The following FBXL7 variants were observed in gnomAD, a reference collection of about 807,000 sequenced individuals.
FBXL7 encodes F-box/LRR-repeat protein 7.
Under a neutral mutation model 38.3 loss-of-function variants are expected in FBXL7, and 12 were observed. The ratio of observed to expected loss-of-function variants is 0.31; its 90% confidence interval spans 0.20 to 0.51. The LOEUF (loss-of-function observed/expected upper bound fraction) is 0.51, where lower values mean the gene tolerates loss of function less well. FBXL7 is among the 20% of genes least tolerant of loss of function. FBXL7 has a pLI of 0.98. For missense variants in FBXL7, 567 were observed against 676.4 expected (o/e 0.84, Z 1.79); for synonymous variants, 297 against 300.9 (o/e 0.99, Z 0.13).
intron 2 of FBXL7, among the ~76,000 whole-genome samples, chr5:15,711,092 C>T (rs1050231413): frequency 4.6e-5 from 7 of 152,298 alleles, no homozygotes; most frequent in South Asian, 2.1e-4. Flanking sequence ...CCATGTGAGA[C>T]GTGCCTTTCA....
At chr5:15,898,363 C>T (rs751502210) in intron 2 of FBXL7, among the ~76,000 whole-genome samples, 17 of 152,110 alleles carry the variant, frequency 1.1e-4, no homozygotes, top group Non-Finnish European at 2.2e-4. Context: ...GCAATGGTCA[C>T]CAAAAACCTG....
At chr5:15,685,013 C>T (rs1005283543) in intron 2 of FBXL7, among the ~76,000 whole-genome samples, 3 of 152,066 alleles carry the variant, frequency 2.0e-5, no homozygotes, top group Admixed American at 1.3e-4. Flanking sequence ...CTAAGCATTT[C>T]TCTGAATAAA....
At chr5:15,797,582 G>T (rs1241175722) in intron 2 of FBXL7, among the ~76,000 whole-genome samples, 1 of 152,178 alleles carries the variant, frequency 6.6e-6, no homozygotes, top group Non-Finnish European at 1.5e-5. Flanking sequence ...CAAATGTCTG[G>T]CAGGGCACAA....
At chr5:15,887,066 A>G (rs1047276083) in intron 2 of FBXL7, among the ~76,000 whole-genome samples, 2 of 152,192 alleles carry the variant, frequency 1.3e-5, no homozygotes, top group East Asian at 1.9e-4. Flanking sequence ...GATTCACTGC[A>G]CTTATAAATG....
At chr5:15,896,838 A>G (rs1741114632) in intron 2 of FBXL7, among the ~76,000 whole-genome samples, 1 of 152,046 alleles carries the variant, frequency 6.6e-6, no homozygotes, top group Admixed American at 6.5e-5. Flanking sequence ...GTGTTTTACA[A>G]TACGTAATAG....
chr5:15,788,770 C>A (rs899988775), intron 2 of FBXL7, among the ~76,000 whole-genome samples: 1 of 152,042 alleles, frequency 6.6e-6, no homozygotes, highest in Non-Finnish European at 1.5e-5. Context: ...AACTCTGCCT[C>A]CTGGCTTCAA....
At chr5:15,578,116 T>C (rs1739027506) in intron 1 of FBXL7, among the ~76,000 whole-genome samples, 1 of 152,138 alleles carries the variant, frequency 6.6e-6, no homozygotes, top group African/African-American at 2.4e-5. Context: ...ATATAGATGT[T>C]AACTGGCCAT....
At chr5:15,730,422 A>C (rs1323181443) in intron 2 of FBXL7, among the ~76,000 whole-genome samples, 2 of 152,098 alleles carry the variant, frequency 1.3e-5, no homozygotes, top group Admixed American at 1.3e-4. Flanking sequence ...TGGTTTCTTG[A>C]GTGATTATTC....
chr5:15,588,458 G>A (rs917876456), intron 1 of FBXL7, among the ~76,000 whole-genome samples: 24 of 151,178 alleles, frequency 1.6e-4, no homozygotes, highest in African/African-American at 5.1e-4. Context: ...ACGATCTCGG[G>A]TCACTGCAAC....
chr5:15,714,676 A>C (rs532158508), intron 2 of FBXL7, among the ~76,000 whole-genome samples: 1 of 151,932 alleles, frequency 6.6e-6, no homozygotes, highest in Non-Finnish European at 1.5e-5. Context: ...GTGAAACCCC[A>C]TCTCTACTAA....
At position 15,663,496 on chromosome 5, in the gene FBXL7, C is replaced by G. The variant is rs149121413; in HGVS notation, c.127+47424C>G. Among the ~76,000 whole-genome samples, 661 of 152,222 alleles carry G rather than the reference C, an allele frequency of 4.3e-3. 4 individuals carry two copies. Among genetic ancestry groups the G allele is most frequent in the African/African-American group, 0.015 (631 of 41,534 alleles). On this transcript the variant is annotated intron_variant, in intron 2 of 3. Transcript: ENST00000504595. ...GCTCTTATTATTTTGAGGTATATTC[C>G]TTCGATGCCTCATTTATTGAGAGGT...
At chr5:15,714,554 C>A (rs1445757710) in intron 2 of FBXL7, among the ~76,000 whole-genome samples, 1 of 152,134 alleles carries the variant, frequency 6.6e-6, no homozygotes, top group Admixed American at 6.5e-5. Flanking sequence ...TCACAAGGGT[C>A]CTTGTAAGAG....
At chr5:15,906,682 A>C in intron 2 of FBXL7, among the ~76,000 whole-genome samples, 1 of 94,304 alleles carries the variant, frequency 1.1e-5, no homozygotes, top group South Asian at 4.8e-4. Flanking sequence ...CGACCCCACC[A>C]CAGTCCCCAG....
At chr5:15,669,257 C>CCTA (rs1468624482) in intron 2 of FBXL7, among the ~76,000 whole-genome samples, 1 of 152,072 alleles carries the variant, frequency 6.6e-6, no homozygotes, top group East Asian at 1.9e-4. Flanking sequence ...GTATGATTGA[C>CCTA]CTACTAAAAG....
chr5:15,717,921 A>G (rs537416708), intron 2 of FBXL7, among the ~76,000 whole-genome samples: 2 of 145,360 alleles, frequency 1.4e-5, no homozygotes. Context: ...ATAATTTTTC[A>G]GTCAGTAGGT....
intron 2 of FBXL7, among the ~76,000 whole-genome samples, chr5:15,840,740 G>C (rs186272970): frequency 7.8e-4 from 118 of 151,518 alleles, no homozygotes; most frequent in Non-Finnish European, 1.2e-3. Context: ...TCAGCTACTT[G>C]GGAGGCTGAG....
At chr5:15,640,936 G>A (rs781732361) in intron 2 of FBXL7, among the ~76,000 whole-genome samples, 1 of 152,148 alleles carries the variant, frequency 6.6e-6, no homozygotes, top group African/African-American at 2.4e-5. Flanking sequence ...GCATCACCAG[G>A]GTAAGAGGAG....
chr5:15,556,669 TATTTA>T (rs1214789440), intron 1 of FBXL7, among the ~76,000 whole-genome samples: 5 of 152,198 alleles, frequency 3.3e-5, no homozygotes, highest in Non-Finnish European at 5.9e-5. Flanking sequence ...TAATACTTTA[TATTTA>T]ATTCAATCAA....
intron 2 of FBXL7, among the ~76,000 whole-genome samples, chr5:15,732,201 T>C (rs2126664444): frequency 6.6e-6 from 1 of 152,350 alleles, no homozygotes; most frequent in Middle Eastern, 3.4e-3. Flanking sequence ...TATTTATTCA[T>C]GTGTAGAATG....
Sources: gnomAD v4.1 joint callset for allele counts (sites outside exome capture counted in the v4.1 genomes callset) on GRCh38, gnomAD v4.1.1 for gene constraint, MANE v1.5 for transcripts, NCBI Gene and HGNC (gene_info 2026-07-23, HGNC 2026-07-21) for gene names.